The following TADA2A variants were observed in gnomAD, a reference collection of about 807,000 sequenced individuals.
TADA2A encodes transcriptional adapter 2-alpha.
Under a neutral mutation model 67.4 loss-of-function variants are expected in TADA2A, and 38 were observed. The ratio of observed to expected loss-of-function variants is 0.56; its 90% CI spans 0.44 to 0.74. The LOEUF is 0.74. Ranked by LOEUF, TADA2A falls within the 30% of genes least tolerant of loss-of-function variation. The pLI is 0.00. For missense variants in TADA2A, 454 were observed against 547.0 expected (o/e 0.83, Z 1.70); for synonymous variants, 192 against 181.6 (o/e 1.06, Z -0.46).
At chr17:37,451,107 A>T (rs1489881228) in intron 8 of TADA2A, among the ~76,000 whole-genome samples, 1 of 152,014 alleles carries the variant, frequency 6.6e-6, no homozygotes, top group African/African-American at 2.4e-5. Flanking sequence ...AGCTCACTGT[A>T]GCCTTGAATT....
At chr17:37,409,591 A>T (rs1003500512) in intron 1 of TADA2A, among the ~76,000 whole-genome samples, 20 of 150,892 alleles carry the variant, frequency 1.3e-4, no homozygotes, top group Non-Finnish European at 3.0e-4. Context: ...ACATGGTGAA[A>T]CCCCGTCTCT....
intron 4 of TADA2A, among the ~76,000 whole-genome samples, chr17:37,430,460 A>C (rs2052536745): frequency 6.6e-6 from 1 of 152,128 alleles, no homozygotes; most frequent in Admixed American, 6.6e-5. Context: ...TATTTTTGGG[A>C]GTTACTCATG....
Position 37,479,678 on chromosome 17 carries a change from A to G in TADA2A, c.*2696A>G, listed in dbSNP as rs371648201. 6.6e-6 allele frequency: 1 copy of G among 152,204 alleles called. No individual in the cohort carries two copies. The highest frequency in any genetic ancestry group is 1.5e-5 in the Non-Finnish European group (1 of 68,030). The allele number at this position is 152,204 out of a possible 1,614,324, so 9.4% of individuals were successfully genotyped here. On this transcript the variant is annotated 3_prime_UTR_variant, in exon 16 of 16. Transcript: ENST00000615182. Reference sequence around the variant, plus strand: ...AAAAGTTTCTGCTGGAGTTTTATGCATATTTTTCTCTCTAAGTGGTGGGAA... The same window carrying G: ...AAAAGTTTCTGCTGGAGTTTTATGCGTATTTTTCTCTCTAAGTGGTGGGAA...
intron 2 of TADA2A, among the ~76,000 whole-genome samples, chr17:37,414,979 A>T (rs2051995714): frequency 6.7e-6 from 1 of 150,018 alleles, no homozygotes; most frequent in South Asian, 2.1e-4. Flanking sequence ...TGCAGTCTCC[A>T]CCTCCTGGAT....
At chr17:37,472,706 A>T (rs2053814985) in intron 14 of TADA2A, among the ~76,000 whole-genome samples, 2 of 151,906 alleles carry the variant, frequency 1.3e-5, no homozygotes, top group African/African-American at 4.8e-5. Flanking sequence ...AAAAAAAAAT[A>T]TAAAAATTAG....
At chr17:37,419,839 C>T (rs910270604) in intron 2 of TADA2A, among the ~76,000 whole-genome samples, 2 of 143,088 alleles carry the variant, frequency 1.4e-5, no homozygotes, top group East Asian at 2.2e-4. Flanking sequence ...TATGGTGAAA[C>T]CCTGTCTCTA....
At chr17:37,442,736 TACCACTAAAAGG>T in intron 7 of TADA2A, 84 bp downstream of exon 7, 1 of 1,297,546 alleles carries the variant, frequency 7.7e-7, no homozygotes, top group Non-Finnish European at 1.1e-6. Context: ...ATAGATTCCA[TACCACTAAAAGG>T]AGATTTTTCA....
At chr17:37,413,987 C>A (rs2147901196) in intron 2 of TADA2A, among the ~76,000 whole-genome samples, 1 of 152,094 alleles carries the variant, frequency 6.6e-6, no homozygotes, top group African/African-American at 2.4e-5. Flanking sequence ...GTTTCTGTTC[C>A]CCTCTTTGTG....
intron 3 of TADA2A, among the ~76,000 whole-genome samples, chr17:37,424,142 C>A (rs533627018): frequency 1.3e-5 from 2 of 152,158 alleles, no homozygotes; most frequent in African/African-American, 4.8e-5. Context: ...GTGTTTAAAC[C>A]TAATACTTGG....
At chr17:37,440,155 C>G (rs76627687) in intron 5 of TADA2A, among the ~76,000 whole-genome samples, 1 of 151,950 alleles carries the variant, frequency 6.6e-6, no homozygotes, top group Non-Finnish European at 1.5e-5. Context: ...CCATGTTGAT[C>G]AGGCTGGTCT....
chr17:37,442,420 A>G, intron 6 of TADA2A, 144 bp from the exon 7 acceptor site: 1 of 580,712 alleles, frequency 1.7e-6, no homozygotes, highest in Non-Finnish European at 2.7e-6. Flanking sequence ...TCTTTTTAAA[A>G]AACCTGTTTT....
In TADA2A at chr17:37,439,782, A is replaced by G. The variant is rs183747903; in HGVS notation, c.285-723A>G. On this transcript the variant is annotated intron_variant, in intron 5 of 15. Transcript: ENST00000615182. ...TGTTAAGTGTTTGGTAAACCGTAAA[A>G]TATTAGGCAAAATAAAACTATATTT... Among the ~76,000 whole-genome samples the G allele has an allele frequency of 2.7e-3, 413 of 152,176 alleles. 2 individuals carry two copies. The highest frequency in any genetic ancestry group is 4.4e-3 in the Non-Finnish European group (300 of 68,006).
rs1196756584 is a variant in TADA2A, at chr17:37,479,064, G to A, written c.*2082G>A. 2 of 152,292 alleles carry A rather than the reference G, an allele frequency of 1.3e-5. No homozygotes were observed. Among genetic ancestry groups the A allele is most frequent in the South Asian group, 2.1e-4 (1 of 4,830 alleles). The allele number at this position is 152,292 out of a possible 1,614,324, so 9.4% of individuals were successfully genotyped here. A position where few individuals can be genotyped will look rare whatever the true frequency, so the allele number is the denominator to read the frequency against. The stretch of plus-strand genomic sequence containing the variant: ...GCATTAGCCATCAGTGTTAGGTGAC[G>A]TCTGTTGTAGTCTGAAGAGTCCTTA... On this transcript the variant is annotated 3_prime_UTR_variant, in exon 16 of 16. Coordinates refer to ENST00000615182, the MANE Select transcript of TADA2A (RefSeq NM_001166105.3).
intron 1 of TADA2A, chr17:37,407,615 A>G (rs961976927): frequency 6.6e-6 from 1 of 151,300 alleles, no homozygotes; most frequent in East Asian, 1.9e-4. Flanking sequence ...GCAGACTGCA[A>G]TATTGTGCTT....
At chr17:37,465,069 A>G (rs979717324) in intron 10 of TADA2A, among the ~76,000 whole-genome samples, 9 of 150,276 alleles carry the variant, frequency 6.0e-5, no homozygotes, top group African/African-American at 2.2e-4. Flanking sequence ...AATTGCTTGA[A>G]TCCAGGAGAT....
chr17:37,468,188 AG>A lies in TADA2A; in HGVS notation c.895+665del, dbSNP rs143378011. 6.2e-3 allele frequency among the ~76,000 whole-genome samples: 948 copies of A among 152,332 alleles called. 2 individuals are homozygous for A. The highest frequency in any genetic ancestry group is 0.021 in the African/African-American group (883 of 41,576). ...AAATAATGAAGCTTCAACTGGCTCC[AG>A]GTGCTTGCATCCCAGTTACTTGGGG... On this transcript the variant is annotated intron_variant, in intron 12 of 15. Transcript: ENST00000615182.
intron 2 of TADA2A, among the ~76,000 whole-genome samples, chr17:37,413,384 A>G (rs1280069120): frequency 4.6e-5 from 7 of 152,196 alleles, no homozygotes; most frequent in Non-Finnish European, 2.9e-5. Flanking sequence ...GGGAGTGTCC[A>G]AAATAAACTT....
Position 37,444,759 on chromosome 17 carries a change from A to G in TADA2A, c.595A>G (p.Ile199Val). 6.2e-7 allele frequency: 1 copy of G among 1,614,036 alleles called. No homozygotes were observed. Among genetic ancestry groups the G allele is most frequent in the Non-Finnish European group, 8.5e-7 (1 of 1,179,910 alleles). ...TGATTTTGTTGAAGATGACTCGGAC[A>G]TTTTACATGGTAACAGTTTATTTTG... ...DIDFVEDDSD[I>V]LHALKMAVVD... Residue 199 changes from isoleucine to valine, a missense_variant, in exon 8 of 16, where the codon ATT becomes GTT. Ile to Val is a conservative substitution (Grantham distance 29, BLOSUM62 3). Around this residue, in one of 2 missense-constraint regions of TADA2A, gnomAD observed 403 missense variants for 455.5 expected, o/e 0.88. Transcript: ENST00000615182.
At chr17:37,468,231 A>G (rs1039295776) in intron 12 of TADA2A, among the ~76,000 whole-genome samples, 5 of 152,302 alleles carry the variant, frequency 3.3e-5, no homozygotes, top group African/African-American at 9.6e-5. Flanking sequence ...CAATAATTAT[A>G]TTATTAGCAG....
Sources: gnomAD v4.1 joint callset for allele counts (sites outside exome capture counted in the v4.1 genomes callset) on GRCh38, gnomAD v4.1.1 for gene constraint, gnomAD v4.1.1 regional missense constraint, MANE v1.5 for transcripts, NCBI Gene and HGNC (gene_info 2026-07-23, HGNC 2026-07-21) for gene names.